RBPJ: variants seen among roughly 807,000 people sequenced by gnomAD.
RBPJ encodes recombining binding protein suppressor of hairless.
A neutral mutation model predicts 67.8 loss-of-function variants in RBPJ; 9 were observed. That is an observed-to-expected ratio of 0.13 (90% CI 0.08 to 0.23). RBPJ has a LOEUF of 0.23. Ranked by LOEUF, RBPJ falls within the 10% of genes least tolerant of loss-of-function variation. RBPJ has a pLI of 1.00. For synonymous variants in RBPJ, 198 were observed against 203.3 expected, an observed-to-expected ratio of 0.97 and a Z score of 0.22; for missense variants, 305 against 595.6, an observed-to-expected ratio of 0.51 and a Z score of 5.08.
chr4:26,416,037 A>G (rs1447653909), intron 4 of RBPJ, among the ~76,000 whole-genome samples: 1 of 152,176 alleles, frequency 6.6e-6, no homozygotes, highest in Non-Finnish European at 1.5e-5. Flanking sequence ...ACACGATGAT[A>G]TATACATTGT....
chr4:26,179,309 GA>G (rs1167226236), intron 1 of RBPJ, among the ~76,000 whole-genome samples: 1 of 120,918 alleles, frequency 8.3e-6, no homozygotes, highest in African/African-American at 3.2e-5. Flanking sequence ...TTTTTTTTTT[GA>G]AAGCTCCCCC....
At chr4:26,189,709 G>T (rs767918257) in intron 1 of RBPJ, among the ~76,000 whole-genome samples, 10 of 152,140 alleles carry the variant, frequency 6.6e-5, no homozygotes, top group Non-Finnish European at 1.0e-4. Flanking sequence ...GTATAGATTT[G>T]ATAAAATCTC....
At chr4:26,273,047 A>G (rs535285333) in intron 1 of RBPJ, among the ~76,000 whole-genome samples, 15 of 152,324 alleles carry the variant, frequency 9.8e-5, no homozygotes, top group Non-Finnish European at 1.8e-4. Flanking sequence ...ACAACAGACC[A>G]TAAAAAGGAA....
upstream of RBPJ, among the ~76,000 whole-genome samples, chr4:26,318,947 A>T (rs1352101815): frequency 2.1e-5 from 3 of 141,030 alleles, no homozygotes; most frequent in Admixed American, 7.9e-5. Context: ...CAGTGAGCCG[A>T]GATCGCGCCA....
chr4:26,325,846 C>CT (rs1031779344), intron 1 of RBPJ, among the ~76,000 whole-genome samples: 3 of 152,124 alleles, frequency 2.0e-5, no homozygotes, highest in African/African-American at 7.2e-5. Context: ...TTTCTCAAGA[C>CT]TAAGGGAATA....
intron 3 of RBPJ, 31 bp from the exon 4 acceptor site, chr4:26,415,444 T>G: frequency 1.3e-6 from 2 of 1,526,580 alleles, no homozygotes; most frequent in Non-Finnish European, 1.8e-6. Context: ...TTTTTGCTTC[T>G]TGTTTTTTTT....
At position 26,337,261 on chromosome 4, in the gene RBPJ, G is replaced by A. The variant is rs142547852; in HGVS notation, c.20+16213G>A. On this transcript the variant is annotated intron_variant, in intron 1 of 10. Transcript: ENST00000355476. The stretch of plus-strand genomic sequence containing the variant: ...GCTGGGATTACAGACGTGAGCCACC[G>A]CACCCAGCCTGTTTAGTGTTTGATG... Among the ~76,000 whole-genome samples, 199 of 151,992 alleles carry A rather than the reference G, an allele frequency of 1.3e-3. 1 individual carries two copies. The highest frequency in any genetic ancestry group is 4.5e-3 in the African/African-American group (186 of 41,478).
chr4:26,286,014 C>T (rs1389137486), intron 1 of RBPJ, among the ~76,000 whole-genome samples: 10 of 85,906 alleles, frequency 1.2e-4, no homozygotes. Context: ...GCTCAGTACA[C>T]TTGCTTGAGC....
At chr4:26,367,583 A>T (rs1728761063) in intron 1 of RBPJ, among the ~76,000 whole-genome samples, 1 of 152,268 alleles carries the variant, frequency 6.6e-6, no homozygotes, top group Non-Finnish European at 1.5e-5. Context: ...AGTTGCAAAA[A>T]ATTAAGCATA....
chr4:26,110,371 C>T, the RBPJ span, among the ~76,000 whole-genome samples: 111 of 152,282 alleles, frequency 7.3e-4, 1 homozygote, highest in East Asian at 0.019. The surrounding 1 kb of genome is among the most constrained non-coding windows in gnomAD (Gnocchi z 4.5). Flanking sequence ...CAGACTCTTA[C>T]TCTCCTGTAG....
At chr4:26,320,492 G>A, upstream of RBPJ, 1 of 461,246 alleles carries the variant, frequency 2.2e-6, no homozygotes, top group Non-Finnish European at 3.9e-6. Context: ...CATAAAGGAG[G>A]CGCCCAGGGA....
chr4:26,402,836 T>C (rs1247253783), intron 2 of RBPJ, among the ~76,000 whole-genome samples: 3 of 152,212 alleles, frequency 2.0e-5, no homozygotes, highest in Non-Finnish European at 4.4e-5. Flanking sequence ...GAACTATGCA[T>C]AGATACTTCC....
intron 1 of RBPJ, 146 bp downstream of exon 1, chr4:26,321,194 G>C: frequency 4.7e-6 from 1 of 213,766 alleles, no homozygotes; most frequent in Non-Finnish European, 8.2e-6. Context: ...GCGCGGCGGC[G>C]GCGGCGTGTG....
chr4:26,429,869 C>T (rs1329560669), intron 8 of RBPJ, 29 bp from the exon 9 acceptor site: 1 of 1,595,658 alleles, frequency 6.3e-7, no homozygotes, highest in East Asian at 2.2e-5. Context: ...CTGTATAAAA[C>T]TTAGTTTCTA....
chr4:26,221,386 G>A (rs987761863), intron 1 of RBPJ, among the ~76,000 whole-genome samples: 2 of 152,148 alleles, frequency 1.3e-5, no homozygotes, highest in Non-Finnish European at 2.9e-5. Context: ...CACCGTGCCC[G>A]GCCTTAAATA....
intron 1 of RBPJ, among the ~76,000 whole-genome samples, chr4:26,339,010 G>A (rs1038668690): frequency 1.3e-5 from 2 of 151,564 alleles, no homozygotes; most frequent in East Asian, 1.9e-4. Context: ...TTTTAGAGAC[G>A]GGGTTTTGCC....
At chr4:26,262,866 T>A (rs995000655) in intron 1 of RBPJ, among the ~76,000 whole-genome samples, 1 of 152,190 alleles carries the variant, frequency 6.6e-6, no homozygotes, top group African/African-American at 2.4e-5. Flanking sequence ...CAGTATGCTC[T>A]TCTTCCAGCC....
At chr4:26,391,232 G>T (rs1577592238) in intron 2 of RBPJ, among the ~76,000 whole-genome samples, 1 of 152,136 alleles carries the variant, frequency 6.6e-6, no homozygotes, top group African/African-American at 2.4e-5. Context: ...TACACTGCCT[G>T]GTTTCAAAGC....
intron 7 of RBPJ, among the ~76,000 whole-genome samples, chr4:26,425,348 G>A (rs1470427290): frequency 6.6e-6 from 1 of 152,140 alleles, no homozygotes; most frequent in African/African-American, 2.4e-5. Flanking sequence ...CACTTCAACA[G>A]GTGAAGGCAG....
Sources: allele counts gnomAD v4.1 joint callset (sites outside exome capture counted in the v4.1 genomes callset), GRCh38; gene constraint gnomAD v4.1.1; non-coding constraint Gnocchi (gnomAD v3.1); transcripts MANE v1.5; gene names NCBI Gene and HGNC (gene_info 2026-07-23, HGNC 2026-07-21).